LYPD6B: variants seen among roughly 807,000 people sequenced by gnomAD.
LYPD6B encodes LY6/PLAUR domain containing 6B, also known as ly6/PLAUR domain-containing protein 6B.
In LYPD6B, 17 loss-of-function variants were observed where a neutral mutation model predicts 22.8. The ratio of observed to expected loss-of-function variants is 0.75; its 90% CI spans 0.51 to 1.12. The LOEUF is 1.12. Among genes scored for constraint, LYPD6B ranks in the 50% most tolerant of loss-of-function variants. The pLI is 0.00. For synonymous variants in LYPD6B, 106 were observed against 91.6 expected (o/e 1.16, Z -0.90); for missense variants, 221 against 258.3 (o/e 0.86, Z 0.99).
intron 1 of LYPD6B, among the ~76,000 whole-genome samples, chr2:149,061,128 T>C (rs1684057711): frequency 6.6e-6 from 1 of 151,986 alleles, no homozygotes; most frequent in South Asian, 2.1e-4. Flanking sequence ...AATGGAAAGC[T>C]TGGAGATGAG....
At chr2:149,063,541 A>G (rs959563191) in intron 1 of LYPD6B, among the ~76,000 whole-genome samples, 3 of 152,222 alleles carry the variant, frequency 2.0e-5, no homozygotes, top group Non-Finnish European at 2.9e-5. Context: ...GCTGCCATGT[A>G]TATTTGGGTT....
At chr2:149,144,410 G>A (rs1333765627) in intron 2 of LYPD6B, among the ~76,000 whole-genome samples, 1 of 151,956 alleles carries the variant, frequency 6.6e-6, no homozygotes, top group East Asian at 1.9e-4. Flanking sequence ...GTTTGTTTTC[G>A]AGACAGAGTC....
intron 1 of LYPD6B, among the ~76,000 whole-genome samples, chr2:149,061,358 T>C (rs554680177): frequency 1.3e-5 from 2 of 152,274 alleles, no homozygotes; most frequent in Admixed American, 1.3e-4. Context: ...CTATAAGACT[T>C]AATGTTTAGA....
chr2:149,048,976 T>G (rs1574871233), intron 1 of LYPD6B, among the ~76,000 whole-genome samples: 2 of 152,306 alleles, frequency 1.3e-5, no homozygotes, highest in South Asian at 2.1e-4. Context: ...GGTATGGATA[T>G]CGTTTATAAG....
At chr2:149,140,158 T>G (rs1172515505) in intron 2 of LYPD6B, among the ~76,000 whole-genome samples, 1 of 152,136 alleles carries the variant, frequency 6.6e-6, no homozygotes, top group Non-Finnish European at 1.5e-5. Flanking sequence ...TTGGACAGAT[T>G]GTTCTATATT....
At chr2:149,071,790 G>A (rs147808577) in intron 1 of LYPD6B, among the ~76,000 whole-genome samples, 316 of 152,278 alleles carry the variant, frequency 2.1e-3, no homozygotes, top group African/African-American at 7.2e-3. Context: ...AAAGAGCCAC[G>A]AAGGAAAACT....
At chr2:149,096,689 A>AT (rs956002827) in intron 1 of LYPD6B, among the ~76,000 whole-genome samples, 2 of 151,862 alleles carry the variant, frequency 1.3e-5, no homozygotes, top group Non-Finnish European at 2.9e-5. Context: ...TGGGTGGTTG[A>AT]TTTTTTTTCT....
chr2:149,094,129 T>G (rs1685795398), intron 1 of LYPD6B, among the ~76,000 whole-genome samples: 1 of 152,218 alleles, frequency 6.6e-6, no homozygotes, highest in African/African-American at 2.4e-5. Context: ...ATCTACTTAA[T>G]TTTTGGTACT....
chr2:149,112,797 C>A (rs561480714), intron 1 of LYPD6B, among the ~76,000 whole-genome samples: 1 of 152,224 alleles, frequency 6.6e-6, no homozygotes, highest in African/African-American at 2.4e-5. Flanking sequence ...TGAAAACGAA[C>A]TGGGACAACT....
chr2:149,162,583 CA>C (rs1025250352), intron 3 of LYPD6B, among the ~76,000 whole-genome samples: 1 of 152,172 alleles, frequency 6.6e-6, no homozygotes, highest in Non-Finnish European at 1.5e-5. Context: ...TGAAGGTAGC[CA>C]AAAAATTCAA....
chr2:149,088,095 T>TCC (rs11462284), intron 1 of LYPD6B, among the ~76,000 whole-genome samples: 6 of 144,532 alleles, frequency 4.2e-5, no homozygotes, highest in Non-Finnish European at 7.5e-5. Flanking sequence ...CTCCTGTTGC[T>TCC]CCCCCCACCC....
At chr2:149,093,635 C>T (rs1196857521) in intron 1 of LYPD6B, among the ~76,000 whole-genome samples, 1 of 152,148 alleles carries the variant, frequency 6.6e-6, no homozygotes, top group East Asian at 1.9e-4. Flanking sequence ...TCTTTATTAC[C>T]TATTTCTACA....
chr2:149,098,643 A>AAAAAAAAAAAAAAAGAAAG (rs57783804), intron 1 of LYPD6B, among the ~76,000 whole-genome samples: 44 of 130,944 alleles, frequency 3.4e-4, no homozygotes, highest in South Asian at 4.5e-4. Context: ...AAAAAAAAAA[A>AAAAAAAAAAAAAAAGAAAG]AAAAAAGAAA....
chr2:149,057,479 T>G (rs2105308299), intron 1 of LYPD6B, among the ~76,000 whole-genome samples: 1 of 152,226 alleles, frequency 6.6e-6, no homozygotes, highest in South Asian at 2.1e-4. Context: ...TTCACATTGT[T>G]TACTGCATAT....
chr2:149,048,514 T>C (rs912896254), intron 1 of LYPD6B, among the ~76,000 whole-genome samples: 4 of 152,154 alleles, frequency 2.6e-5, no homozygotes, highest in Admixed American at 2.0e-4. Flanking sequence ...TGGTAGTCCA[T>C]TGTTATTTGT....
rs142556922 is a variant in LYPD6B, at chr2:149,175,023, ATCTCTCTC to A, written c.77+14220_77+14227del. ...TAATACTCTGTGAATAATCTCTTTA[ATCTCTCTC>A]TCTCTCTCTCTCTCTCTCTCTCTCT... On this transcript the variant is annotated intron_variant, in intron 3 of 6. Transcript: ENST00000409642. Among the ~76,000 whole-genome samples the A allele has an allele frequency of 4.1e-3, 515 of 125,810 alleles. 2 individuals are homozygous for A. The highest frequency in any genetic ancestry group is 7.5e-3 in the African/African-American group (252 of 33,680). 82.5% of individuals were successfully genotyped at this position (125,810 alleles called of 152,430 possible). A position where few individuals can be genotyped will look rare whatever the true frequency, so the allele number is the denominator to read the frequency against.
intron 3 of LYPD6B, among the ~76,000 whole-genome samples, chr2:149,183,958 C>T (rs752930481): frequency 1.3e-5 from 2 of 151,832 alleles, no homozygotes; most frequent in Non-Finnish European, 2.9e-5. Flanking sequence ...TTTGGGAGGC[C>T]GAGGTGGGTG....
chr2:149,093,719 A>G (rs1013330454), intron 1 of LYPD6B, among the ~76,000 whole-genome samples: 1 of 152,184 alleles, frequency 6.6e-6, no homozygotes, highest in African/African-American at 2.4e-5. Flanking sequence ...TGTTCCCCCT[A>G]GAATTTTCTT....
In LYPD6B at chr2:149,093,033, G is replaced by A. The variant is rs368119818; in HGVS notation, c.-66-37850G>A. ...AACAGGCAGTCAGATTTCAGTTTAA[G>A]TCAGAAGTTGGAAACAGTATTCTGA... On this transcript the variant is annotated intron_variant, in intron 1 of 6. Transcript: ENST00000409642. Among the ~76,000 whole-genome samples, 17 of 152,254 alleles carry A rather than the reference G, an allele frequency of 1.1e-4. No homozygotes were observed. The East Asian group carries it at 2.9e-3, about 26-fold the overall frequency.
Sources: gnomAD v4.1 joint callset for allele counts (sites outside exome capture counted in the v4.1 genomes callset) on GRCh38, gnomAD v4.1.1 for gene constraint, MANE v1.5 for transcripts, NCBI Gene and HGNC (gene_info 2026-07-23, HGNC 2026-07-21) for gene names.